GRIK2: variants seen among roughly 807,000 people sequenced by gnomAD.
GRIK2 encodes glutamate receptor ionotropic, kainate 2.
Under a neutral mutation model 100.3 loss-of-function variants are expected in GRIK2, and 32 were observed. That is an observed-to-expected ratio of 0.32 (90% CI 0.24 to 0.43). GRIK2 has a LOEUF of 0.43. Among genes scored for constraint, GRIK2 ranks in the 20% least tolerant of loss-of-function variants. The pLI is 1.00. For missense variants in GRIK2, 843 were observed against 1,114.9 expected, an observed-to-expected ratio of 0.76 and a Z score of 3.47; for synonymous variants, 417 against 389.4, an observed-to-expected ratio of 1.07 and a Z score of -0.83.
intron 10 of GRIK2, among the ~76,000 whole-genome samples, chr6:101,832,661 T>G (rs1782779020): frequency 6.6e-6 from 1 of 152,140 alleles, no homozygotes; most frequent in Non-Finnish European, 1.5e-5. Context: ...AAACAGAAAC[T>G]GAAGAAACAA....
chr6:101,468,577 A>T (rs1246857004), intron 2 of GRIK2, among the ~76,000 whole-genome samples: 2 of 152,074 alleles, frequency 1.3e-5, no homozygotes, highest in African/African-American at 2.4e-5. Context: ...TAAAATGTGG[A>T]TGGTTGCCTC....
chr6:101,703,014 G>A (rs996956967), intron 7 of GRIK2, among the ~76,000 whole-genome samples: 1 of 151,734 alleles, frequency 6.6e-6, no homozygotes, highest in Non-Finnish European at 1.5e-5. Context: ...ATGCAGTTTT[G>A]TTTACTAGTG....
intron 12 of GRIK2, among the ~76,000 whole-genome samples, chr6:101,912,537 C>T (rs888391191): frequency 3.3e-5 from 5 of 151,490 alleles, no homozygotes; most frequent in Non-Finnish European, 5.9e-5. Flanking sequence ...CGCTTCTCTT[C>T]GTGCACATTT....
At chr6:102,018,311 A>G (rs759240526) in intron 14 of GRIK2, among the ~76,000 whole-genome samples, 11 of 151,704 alleles carry the variant, frequency 7.3e-5, no homozygotes, top group Admixed American at 6.6e-5. Context: ...TTTCCCTTCT[A>G]CTCCATGGAA....
chr6:102,030,705 C>T (rs935572965), intron 14 of GRIK2, among the ~76,000 whole-genome samples: 11 of 151,172 alleles, frequency 7.3e-5, no homozygotes, highest in South Asian at 6.2e-4. Context: ...TTTCAGCCTC[C>T]TATGCCAGCT....
At chr6:101,700,622 G>A (rs148537556) in intron 7 of GRIK2, among the ~76,000 whole-genome samples, 6 of 152,244 alleles carry the variant, frequency 3.9e-5, no homozygotes, top group South Asian at 2.1e-4. Flanking sequence ...TACAGATGAT[G>A]GGACTGAGGT....
chr6:101,395,790 G>A, intron 1 of GRIK2, among the ~76,000 whole-genome samples: 1 of 151,804 alleles, frequency 6.6e-6, no homozygotes, highest in East Asian at 1.9e-4. Flanking sequence ...ATTTTTTTGA[G>A]GTATACTTCT....
chr6:101,659,930 A>G (rs924442779), intron 4 of GRIK2, among the ~76,000 whole-genome samples: 1 of 152,068 alleles, frequency 6.6e-6, no homozygotes, highest in East Asian at 1.9e-4. Flanking sequence ...ACCTTGGTGA[A>G]TCTGACGATT....
At position 101,836,663 on chromosome 6, in the gene GRIK2, T is replaced by TATA. The variant is rs1562426881; in HGVS notation, c.1317+18180_1317+18181insATA. ...TATGTGTATATATATATATATATAT[T>TATA]TTTTTTTTTTTTTTTTTTTTGAGAC... On this transcript the variant is annotated intron_variant, in intron 10 of 16. Coordinates refer to ENST00000369134, the MANE Select transcript of GRIK2 (RefSeq NM_021956.5). 3.1e-3 allele frequency among the ~76,000 whole-genome samples: 235 copies of TATA among 75,618 alleles called. 1 individual carries two copies. Among genetic ancestry groups the TATA allele is most frequent in the African/African-American group, 0.012 (224 of 17,958 alleles). The allele number at this position is 75,618 out of a possible 152,430, so 49.6% of individuals were successfully genotyped here. A position where few individuals can be genotyped will look rare whatever the true frequency, so the allele number is the denominator to read the frequency against.
At chr6:101,395,312 T>C (rs1582349594) in intron 1 of GRIK2, among the ~76,000 whole-genome samples, 1 of 151,856 alleles carries the variant, frequency 6.6e-6, no homozygotes, top group Non-Finnish European at 1.5e-5. Context: ...ATGAGGTTTT[T>C]CAAATGTCAC....
At chr6:101,513,555 A>G (rs1335699066) in intron 2 of GRIK2, among the ~76,000 whole-genome samples, 1 of 152,184 alleles carries the variant, frequency 6.6e-6, no homozygotes, top group African/African-American at 2.4e-5. Flanking sequence ...GCTAAGAAGC[A>G]TGTTTTTGAG....
At chr6:101,527,641 C>A (rs1775219451) in intron 2 of GRIK2, among the ~76,000 whole-genome samples, 1 of 152,118 alleles carries the variant, frequency 6.6e-6, no homozygotes, top group African/African-American at 2.4e-5. Context: ...TGGGTTGTAG[C>A]AAGCTGTGCA....
chr6:101,725,061 G>A (rs192288531), intron 7 of GRIK2, among the ~76,000 whole-genome samples: 48 of 147,384 alleles, frequency 3.3e-4, no homozygotes, highest in African/African-American at 1.1e-3. Flanking sequence ...TTTACTTTGT[G>A]AATTCAATAA....
At chr6:101,930,351 A>AAAT (rs374564192) in intron 14 of GRIK2, among the ~76,000 whole-genome samples, 8 of 6,020 alleles carry the variant, frequency 1.3e-3, no homozygotes, top group South Asian at 0.011. Context: ...TCAAAAAAAA[A>AAAT]AAATAAAATA....
At chr6:101,674,303 T>C (rs962527494) in intron 4 of GRIK2, among the ~76,000 whole-genome samples, 3 of 152,162 alleles carry the variant, frequency 2.0e-5, no homozygotes, top group Admixed American at 1.3e-4. Context: ...AGATTCTAAA[T>C]TGGTTGTTTA....
intron 16 of GRIK2, among the ~76,000 whole-genome samples, chr6:102,060,731 G>A (rs1180273080): frequency 6.6e-6 from 1 of 150,522 alleles, no homozygotes; most frequent in African/African-American, 2.4e-5. Context: ...TTTGATGTAA[G>A]AAATTTTAGC....
At chr6:101,394,283 G>A (rs1226678197) in intron 1 of GRIK2, among the ~76,000 whole-genome samples, 1 of 152,178 alleles carries the variant, frequency 6.6e-6, no homozygotes, top group Non-Finnish European at 1.5e-5. Flanking sequence ...CTGCGCTGAG[G>A]AAGTATATTT....
intron 2 of GRIK2, among the ~76,000 whole-genome samples, chr6:101,568,925 A>G (rs1777407815): frequency 5.4e-3 from 1 of 184 alleles, no homozygotes; most frequent in Non-Finnish European, 0.013. Flanking sequence ...GTTCCTTTTC[A>G]CATGAAAATA....
At chr6:101,952,625 C>T (rs1004087375) in intron 14 of GRIK2, among the ~76,000 whole-genome samples, 20 of 148,340 alleles carry the variant, frequency 1.3e-4, no homozygotes, top group African/African-American at 4.0e-4. Context: ...TTTTTTGAGG[C>T]GGAGTCTCGC....
Sources: allele counts gnomAD v4.1 joint callset (sites outside exome capture counted in the v4.1 genomes callset), GRCh38; gene constraint gnomAD v4.1.1; transcripts MANE v1.5; gene names NCBI Gene and HGNC (gene_info 2026-07-23, HGNC 2026-07-21).